CPA6: variants seen among roughly 807,000 people sequenced by gnomAD.
CPA6 encodes carboxypeptidase B.
CPA6 carries 58 observed loss-of-function variants against 63.3 expected under a neutral mutation model. The observed-to-expected ratio is 0.92, with a 90% CI of 0.74 to 1.14. The LOEUF (loss-of-function observed/expected upper bound fraction) is 1.14. CPA6 is among the 50% of genes most tolerant of loss of function. The pLI, the probability that CPA6 is intolerant of heterozygous loss-of-function variation, is 0.00. For synonymous variants in CPA6, 185 were observed against 179.0 expected (o/e 1.03, Z -0.27); for missense variants, 565 against 526.6 (o/e 1.07, Z -0.71).
In CPA6 at chr8:67,697,877, GTA is replaced by G. The variant is rs777640892; in HGVS notation, c.116+48135_116+48136del. On this transcript the variant is annotated intron_variant, in intron 1 of 10. Coordinates refer to ENST00000297770, the MANE Select transcript of CPA6 (RefSeq NM_020361.5). Reference sequence around the variant, plus strand: ...TACGTGTCAATAAAAATATTTAAAAGTATATATGTCTGTGTGTGTAACTTTTA... The same window carrying G: ...TACGTGTCAATAAAAATATTTAAAAGTATATGTCTGTGTGTGTAACTTTTA... 3.3e-5 allele frequency among the ~76,000 whole-genome samples: 5 copies of G among 152,196 alleles called. No homozygotes were observed. The East Asian group carries it at 9.7e-4, about 29-fold the overall frequency.
intron 2 of CPA6, among the ~76,000 whole-genome samples, chr8:67,521,633 C>G (rs376741864): frequency 6.0e-4 from 91 of 152,344 alleles, no homozygotes; most frequent in African/African-American, 2.0e-3. Flanking sequence ...GGACAGAGTT[C>G]AACTTCGTAT....
chr8:67,660,539 G>A (rs139024122), intron 1 of CPA6, among the ~76,000 whole-genome samples: 4,373 of 120,614 alleles, frequency 0.036, 102 homozygotes, highest in Non-Finnish European at 0.044. Flanking sequence ...AGGTTTCACC[G>A]TGTTGCCCAG....
Position 67,506,796 on chromosome 8 carries a change from A to G in CPA6, c.627T>C (p.Phe209=). The G allele has an allele frequency of 6.2e-7, 1 of 1,609,126 alleles. No individual in the cohort carries two copies. Among genetic ancestry groups the G allele is most frequent in the Non-Finnish European group, 8.5e-7 (1 of 1,175,560 alleles). Residue 209 remains phenylalanine, a synonymous_variant, in exon 6 of 11, where the codon TTT becomes TTC. Transcript: ENST00000297770. Reference sequence around the variant, plus strand: ...AAAGGGTTTAACTTACTTCTTTTACAAACCACTGACAAAAGGCAGGACCAA... The same window carrying G: ...AAAGGGTTTAACTTACTTCTTTTACGAACCACTGACAAAAGGCAGGACCAA... ...EWIGPAFCQW[F]VKEALLTYKS...
intron 1 of CPA6, among the ~76,000 whole-genome samples, chr8:67,709,810 G>C (rs1817216189): frequency 6.6e-6 from 1 of 152,152 alleles, no homozygotes; most frequent in Admixed American, 6.5e-5. Context: ...CAGGTCATAG[G>C]TGGATTAAAA....
intron 1 of CPA6, among the ~76,000 whole-genome samples, chr8:67,693,594 C>A (rs77718315): frequency 6.6e-6 from 1 of 152,164 alleles, no homozygotes; most frequent in Non-Finnish European, 1.5e-5. Flanking sequence ...AGAGGCCCCA[C>A]GAATGGGATT....
intron 6 of CPA6, among the ~76,000 whole-genome samples, chr8:67,498,233 T>A (rs187817129): frequency 6.6e-6 from 1 of 152,098 alleles, no homozygotes; most frequent in South Asian, 2.1e-4. Context: ...TCTTGGCCCA[T>A]GACAAATTTA....
intron 1 of CPA6, among the ~76,000 whole-genome samples, chr8:67,638,731 A>G (rs1815524595): frequency 6.6e-6 from 1 of 151,622 alleles, no homozygotes; most frequent in Non-Finnish European, 1.5e-5. Flanking sequence ...GGACCAATCC[A>G]TGGTCCTTTA....
At chr8:67,628,081 T>A (rs1177576849) in intron 1 of CPA6, among the ~76,000 whole-genome samples, 1 of 151,890 alleles carries the variant, frequency 6.6e-6, no homozygotes, top group Non-Finnish European at 1.5e-5. Context: ...GGGGTGGTGG[T>A]GTGTGCCTGT....
At chr8:67,665,708 T>C (rs186435188) in intron 1 of CPA6, among the ~76,000 whole-genome samples, 112 of 152,310 alleles carry the variant, frequency 7.4e-4, no homozygotes, top group Middle Eastern at 3.4e-3. Flanking sequence ...CAATGATTTG[T>C]TTGCTATGGC....
chr8:67,583,013 A>G (rs551648272), intron 2 of CPA6, among the ~76,000 whole-genome samples: 3 of 152,316 alleles, frequency 2.0e-5, no homozygotes, highest in African/African-American at 7.2e-5. Context: ...ACCCTGAAAC[A>G]TGAGGATCAA....
At chr8:67,528,609 C>T (rs1489350949) in intron 2 of CPA6, among the ~76,000 whole-genome samples, 1 of 152,036 alleles carries the variant, frequency 6.6e-6, no homozygotes, top group African/African-American at 2.4e-5. Context: ...CTGGATAATA[C>T]TACCACGACT....
intron 1 of CPA6, among the ~76,000 whole-genome samples, chr8:67,638,006 T>TGTGTGC (rs1463013995): frequency 1.3e-5 from 2 of 150,966 alleles, no homozygotes; most frequent in African/African-American, 2.5e-5. Flanking sequence ...TGTGTGTGTG[T>TGTGTGC]GCATGCATGC....
At chr8:67,633,637 C>T (rs1012258510) in intron 1 of CPA6, among the ~76,000 whole-genome samples, 3 of 148,428 alleles carry the variant, frequency 2.0e-5, no homozygotes, top group African/African-American at 7.5e-5. Context: ...GCAGAGATCG[C>T]GCCACTGCAC....
At chr8:67,545,217 A>G (rs1449750175) in intron 2 of CPA6, among the ~76,000 whole-genome samples, 1 of 152,224 alleles carries the variant, frequency 6.6e-6, no homozygotes. Context: ...TCAGAATGAC[A>G]GAAGAATAAT....
chr8:67,739,725 T>C (rs1235395765), intron 1 of CPA6, among the ~76,000 whole-genome samples: 1 of 152,162 alleles, frequency 6.6e-6, no homozygotes, highest in African/African-American at 2.4e-5. Flanking sequence ...AAGATTTTGA[T>C]GATAGAGGCC....
rs1238968451 is a variant in CPA6, at chr8:67,697,880, T to C, written c.116+48134A>G. Among the ~76,000 whole-genome samples, 6 of 152,324 alleles carry C rather than the reference T, an allele frequency of 3.9e-5. No homozygotes were observed. The East Asian group carries it at 1.2e-3, about 29-fold the overall frequency. On this transcript the variant is annotated intron_variant, in intron 1 of 10. Transcript: ENST00000297770. ...GTGTCAATAAAAATATTTAAAAGTA[T>C]ATATGTCTGTGTGTGTAACTTTTAT...
intron 8 of CPA6, among the ~76,000 whole-genome samples, 181 bp from the exon 9 acceptor site, chr8:67,434,421 C>G (rs1810099122): frequency 6.6e-6 from 1 of 152,124 alleles, no homozygotes; most frequent in Non-Finnish European, 1.5e-5. Flanking sequence ...ATTGAAGTTC[C>G]CATGCACAAC....
intron 2 of CPA6, among the ~76,000 whole-genome samples, chr8:67,596,577 G>T (rs1814342973): frequency 6.7e-6 from 1 of 149,316 alleles, no homozygotes. Flanking sequence ...TTGCAGATAT[G>T]AAATCCAATT....
intron 3 of CPA6, among the ~76,000 whole-genome samples, chr8:67,516,793 C>A (rs781611756): frequency 6.6e-6 from 1 of 152,000 alleles, no homozygotes; most frequent in African/African-American, 2.4e-5. Flanking sequence ...TCCACTTGCT[C>A]TTTTCTTTTT....
Sources: allele counts gnomAD v4.1 joint callset (sites outside exome capture counted in the v4.1 genomes callset), GRCh38; gene constraint gnomAD v4.1.1; transcripts MANE v1.5; gene names NCBI Gene and HGNC (gene_info 2026-07-23, HGNC 2026-07-21).